CNTNAP4: variants seen among roughly 807,000 people sequenced by gnomAD.
CNTNAP4 encodes contactin associated protein family member 4, also known as contactin-associated protein-like 4.
CNTNAP4 carries 98 observed loss-of-function variants against 148.4 expected under a neutral mutation model. The ratio of observed to expected loss-of-function variants is 0.66; its 90% CI spans 0.56 to 0.78. The LOEUF is 0.78. Among genes scored for constraint, CNTNAP4 ranks in the 30% least tolerant of loss-of-function variants. The pLI is 0.00. For synonymous variants in CNTNAP4, 730 were observed against 565.1 expected, an observed-to-expected ratio of 1.29 and a Z score of -4.14; for missense variants, 1,935 against 1,565.6, an observed-to-expected ratio of 1.24 and a Z score of -3.98.
chr16:76,461,894 C>G, intron 8 of CNTNAP4, 62 bp from the exon 9 acceptor site: 2 of 1,486,926 alleles, frequency 1.3e-6, no homozygotes, highest in Non-Finnish European at 1.9e-6. Context: ...ATTGCTGTTT[C>G]TAACCAACTC....
At chr16:76,318,320 C>A (rs1962026465) in intron 2 of CNTNAP4, among the ~76,000 whole-genome samples, 1 of 152,132 alleles carries the variant, frequency 6.6e-6, no homozygotes. Flanking sequence ...AGGTTCAATA[C>A]ATCACAAAAT....
chr16:76,471,672 A>G (rs941650046), intron 10 of CNTNAP4, among the ~76,000 whole-genome samples: 1 of 151,972 alleles, frequency 6.6e-6, no homozygotes, highest in Non-Finnish European at 1.5e-5. Context: ...TGGAGCCCCA[A>G]GCCTGCCCTT....
chr16:76,513,100 G>A (rs530567419), intron 15 of CNTNAP4, among the ~76,000 whole-genome samples: 10 of 152,242 alleles, frequency 6.6e-5, no homozygotes, highest in East Asian at 5.8e-4. Context: ...AGAATTAATA[G>A]CATGTCTGTG....
chr16:76,372,757 T>C (rs2014987713), intron 3 of CNTNAP4, among the ~76,000 whole-genome samples: 1 of 152,196 alleles, frequency 6.6e-6, no homozygotes, highest in Non-Finnish European at 1.5e-5. Flanking sequence ...TATGTCTTTA[T>C]CAACAGCATG....
At chr16:76,374,379 C>T (rs1281407463) in intron 3 of CNTNAP4, among the ~76,000 whole-genome samples, 1 of 152,108 alleles carries the variant, frequency 6.6e-6, no homozygotes, top group African/African-American at 2.4e-5. Flanking sequence ...GTTACTAATT[C>T]CATCTTTGTA....
chr16:76,308,972 A>C (rs957416512), intron 1 of CNTNAP4, among the ~76,000 whole-genome samples: 4 of 142,784 alleles, frequency 2.8e-5, no homozygotes, highest in African/African-American at 5.1e-5. Flanking sequence ...TTCCAGGCTA[A>C]TTTTTTTTTT....
In CNTNAP4 at chr16:76,288,142, A is replaced by T. The variant is rs146439143; in HGVS notation, c.85+10395A>T. The stretch of plus-strand genomic sequence containing the variant: ...TACTGTTCTTGTTATAGTGAATGAG[A>T]TCTCGTGAGATATGATGGTTTTATA... On this transcript the variant is annotated intron_variant, in intron 1 of 23. Transcript: ENST00000611870. Among the ~76,000 whole-genome samples, 372 of 152,050 alleles carry T rather than the reference A, an allele frequency of 2.4e-3. 2 individuals carry two copies. The highest frequency in any genetic ancestry group is 8.5e-3 in the African/African-American group (353 of 41,462).
chr16:76,404,566 T>G (rs974803045), intron 3 of CNTNAP4, among the ~76,000 whole-genome samples: 2 of 152,164 alleles, frequency 1.3e-5, no homozygotes, highest in Non-Finnish European at 2.9e-5. Context: ...AGGGTCTGAA[T>G]TAGAATCTCT....
At chr16:76,391,771 C>T (rs1015966873) in intron 3 of CNTNAP4, among the ~76,000 whole-genome samples, 4 of 152,154 alleles carry the variant, frequency 2.6e-5, no homozygotes, top group Non-Finnish European at 4.4e-5. Context: ...GTTCTAGCAT[C>T]AGCATCATCA....
intron 1 of CNTNAP4, among the ~76,000 whole-genome samples, chr16:76,302,494 C>A (rs1274581233): frequency 6.6e-6 from 1 of 152,054 alleles, no homozygotes; most frequent in African/African-American, 2.4e-5. Flanking sequence ...GTGATTTTCT[C>A]CCTCCAGGCC....
At chr16:76,390,535 CA>C (rs2016886169) in intron 3 of CNTNAP4, among the ~76,000 whole-genome samples, 1 of 150,154 alleles carries the variant, frequency 6.7e-6, no homozygotes, top group African/African-American at 2.5e-5. Flanking sequence ...TCATGAACTG[CA>C]ACTTAATGCT....
intron 2 of CNTNAP4, among the ~76,000 whole-genome samples, chr16:76,327,174 C>T (rs141477750): frequency 1.2e-3 from 181 of 152,202 alleles, no homozygotes; most frequent in African/African-American, 4.1e-3. Flanking sequence ...GCATAGTATC[C>T]GTAGGTAGGT....
At chr16:76,467,176 T>C (rs539419370) in intron 9 of CNTNAP4, among the ~76,000 whole-genome samples, 176 bp from the exon 10 acceptor site, 19 of 152,318 alleles carry the variant, frequency 1.2e-4, no homozygotes, top group Middle Eastern at 3.4e-3. Context: ...AAAAATTCTT[T>C]GTATGAATTT....
At chr16:76,444,762 T>C (rs1255006466) in intron 4 of CNTNAP4, among the ~76,000 whole-genome samples, 1 of 152,166 alleles carries the variant, frequency 6.6e-6, no homozygotes, top group Non-Finnish European at 1.5e-5. Context: ...AGAATTTTTT[T>C]TCATTTCCTG....
At chr16:76,312,387 C>T (rs1315039235) in intron 1 of CNTNAP4, among the ~76,000 whole-genome samples, 1 of 152,138 alleles carries the variant, frequency 6.6e-6, no homozygotes, top group African/African-American at 2.4e-5. Context: ...AAGTCTAGAT[C>T]CTGTGTTTTA....
At chr16:76,408,758 TAAC>T (rs1462935447) in intron 3 of CNTNAP4, among the ~76,000 whole-genome samples, 1 of 152,058 alleles carries the variant, frequency 6.6e-6, no homozygotes, top group Non-Finnish European at 1.5e-5. Context: ...ACTATTTTTT[TAAC>T]AACAACTTTC....
chr16:76,394,498 A>G (rs1317422958), intron 3 of CNTNAP4, among the ~76,000 whole-genome samples: 2 of 152,222 alleles, frequency 1.3e-5, no homozygotes, highest in African/African-American at 2.4e-5. Flanking sequence ...CTTTAAATAC[A>G]TGACACAGAA....
chr16:76,481,278 G>C (rs1457026272), intron 12 of CNTNAP4, among the ~76,000 whole-genome samples: 1 of 152,110 alleles, frequency 6.6e-6, no homozygotes, highest in Non-Finnish European at 1.5e-5. Flanking sequence ...CAACATGGTA[G>C]CCACTAGCAA....
chr16:76,493,874 C>G lies in CNTNAP4; in HGVS notation c.2081-1036C>G, dbSNP rs1012937591. Among the ~76,000 whole-genome samples the G allele has an allele frequency of 9.2e-5, 14 of 152,198 alleles. No individual in the cohort carries two copies. The East Asian group carries it at 1.9e-3, about 21-fold the overall frequency. ...CTTGTCAGCATTAGCATGGGGCTAT[C>G]TAATAGTAAGTTAAAATGAGCATTG... On this transcript the variant is annotated intron_variant, in intron 13 of 23. Transcript: ENST00000611870.
Sources: gnomAD v4.1 joint callset for allele counts (sites outside exome capture counted in the v4.1 genomes callset) on GRCh38, gnomAD v4.1.1 for gene constraint, MANE v1.5 for transcripts, NCBI Gene and HGNC (gene_info 2026-07-23, HGNC 2026-07-21) for gene names.